Variants in RGSL1 observed in about 807,000 individuals in gnomAD.
RGSL1 encodes regulator of G protein signaling like 1.
RGSL1 carries 97 observed loss-of-function variants against 124.7 expected under a neutral mutation model. The observed-to-expected ratio is 0.78, with a 90% CI of 0.66 to 0.92. The LOEUF is 0.92. Ranked by LOEUF, RGSL1 falls within the 40% of genes least tolerant of loss-of-function variation. The pLI, the probability that RGSL1 is intolerant of heterozygous loss-of-function variation, is 0.00. For missense variants in RGSL1, 1,233 were observed against 1,288.4 expected (o/e 0.96, Z 0.66); for synonymous variants, 424 against 438.1 (o/e 0.97, Z 0.40).
chr1:182,520,948 C>A (rs994621809), intron 9 of RGSL1, among the ~76,000 whole-genome samples: 5 of 152,120 alleles, frequency 3.3e-5, no homozygotes, highest in African/African-American at 1.2e-4. Context: ...AGTAATACAC[C>A]ATCTCTGCCC....
At chr1:182,546,681 G>C (rs999880825) in intron 15 of RGSL1, among the ~76,000 whole-genome samples, 1 of 152,174 alleles carries the variant, frequency 6.6e-6, no homozygotes, top group Non-Finnish European at 1.5e-5. Context: ...GTGAGCCACT[G>C]CACCCAGCCA....
At chr1:182,497,369 T>C (rs1656009116) in intron 9 of RGSL1, among the ~76,000 whole-genome samples, 1 of 149,484 alleles carries the variant, frequency 6.7e-6, no homozygotes, top group South Asian at 2.1e-4. Context: ...AAAATATATA[T>C]ATATCTGTCA....
chr1:182,541,046 G>C lies in RGSL1; in HGVS notation c.2669+625G>C, dbSNP rs1049966762. Among the ~76,000 whole-genome samples, 5 of 152,112 alleles carry C rather than the reference G, an allele frequency of 3.3e-5. No individual in the cohort carries two copies. The South Asian group carries it at 8.3e-4, about 25-fold the overall frequency. On this transcript the variant is annotated intron_variant, in intron 15 of 21. Transcript: ENST00000294854. ...TCATATAATGTGTAAAGATCAATCAGAGTAATCGGGATATCCATCATCTTC... is the reference window on the plus strand; with the variant it reads ...TCATATAATGTGTAAAGATCAATCACAGTAATCGGGATATCCATCATCTTC...
intron 4 of RGSL1, among the ~76,000 whole-genome samples, chr1:182,463,837 A>G (rs1226080379): frequency 1.3e-5 from 2 of 152,200 alleles, no homozygotes; most frequent in African/African-American, 4.8e-5. Flanking sequence ...GGAAATAGAG[A>G]CTTCAACAAT....
At chr1:182,455,415 C>G (rs1421915241) in intron 2 of RGSL1, among the ~76,000 whole-genome samples, 2 of 152,018 alleles carry the variant, frequency 1.3e-5, no homozygotes, top group Non-Finnish European at 2.9e-5. Context: ...AATCCTGTCT[C>G]TACTAAAAAT....
chr1:182,514,447 G>A (rs931920407), intron 9 of RGSL1, among the ~76,000 whole-genome samples: 1 of 152,160 alleles, frequency 6.6e-6, no homozygotes, highest in Non-Finnish European at 1.5e-5. Flanking sequence ...TCTGCTGCTT[G>A]CAGAGTGGAC....
chr1:182,481,801 A>G (rs1236476943), intron 6 of RGSL1, among the ~76,000 whole-genome samples: 1 of 152,134 alleles, frequency 6.6e-6, no homozygotes, highest in East Asian at 1.9e-4. Flanking sequence ...GCAACATGAC[A>G]AAACTCTGTG....
intron 21 of RGSL1, among the ~76,000 whole-genome samples, chr1:182,559,467 G>A (rs1379748769): frequency 6.6e-6 from 1 of 152,038 alleles, no homozygotes; most frequent in Non-Finnish European, 1.5e-5. Context: ...TATCCCACTG[G>A]CACTGCTTTT....
chr1:182,523,026 C>CTT (rs147240587), intron 10 of RGSL1, among the ~76,000 whole-genome samples: 10 of 150,150 alleles, frequency 6.7e-5, no homozygotes, highest in African/African-American at 2.0e-4. Context: ...AAAACATTTT[C>CTT]TTTTTTTTAA....
chr1:182,453,890 T>C (rs890340345), intron 1 of RGSL1, 68 bp from the exon 2 acceptor site: 1 of 845,782 alleles, frequency 1.2e-6, no homozygotes, highest in African/African-American at 1.7e-5. Flanking sequence ...ATTCGATTGC[T>C]TCATTTTCTG....
chr1:182,511,036 A>G (rs972784321), intron 9 of RGSL1, among the ~76,000 whole-genome samples: 1 of 151,676 alleles, frequency 6.6e-6, no homozygotes, highest in Admixed American at 6.6e-5. Flanking sequence ...GCATTTCCCT[A>G]ATGTTTTCAT....
intron 13 of RGSL1, 54 bp from the exon 14 acceptor site, chr1:182,532,608 C>T (rs1659252532): frequency 5.2e-6 from 8 of 1,528,716 alleles, no homozygotes; most frequent in South Asian, 1.2e-5. Flanking sequence ...AGTAGACTCT[C>T]GGTGAACAGC....
chr1:182,487,138 CAG>C (rs1394263444), intron 6 of RGSL1, among the ~76,000 whole-genome samples: 2 of 152,130 alleles, frequency 1.3e-5, no homozygotes, highest in African/African-American at 4.8e-5. Flanking sequence ...TGAATTGTCT[CAG>C]GAATACACTT....
At chr1:182,489,938 A>ATGT (rs1655395776) in intron 8 of RGSL1, among the ~76,000 whole-genome samples, 1 of 152,172 alleles carries the variant, frequency 6.6e-6, no homozygotes, top group Non-Finnish European at 1.5e-5. Flanking sequence ...TTAATTATCT[A>ATGT]TGTTGAGGCA....
chr1:182,459,883 C>T (rs913839222), intron 3 of RGSL1, 121 bp from the exon 4 acceptor site: 1 of 1,223,010 alleles, frequency 8.2e-7, no homozygotes, highest in African/African-American at 1.5e-5. Context: ...TTAATCAACA[C>T]ACCTATCCTT....
At chr1:182,514,937 G>A (rs192768476) in intron 9 of RGSL1, among the ~76,000 whole-genome samples, 8 of 152,338 alleles carry the variant, frequency 5.3e-5, no homozygotes, top group Admixed American at 1.3e-4. Flanking sequence ...TAAGCTGGGG[G>A]TGGTGAAGAG....
rs77749331 is a variant in RGSL1 at position 182,487,717 on chromosome 1, C to T, written c.1432-568C>T. On this transcript the variant is annotated intron_variant, in intron 6 of 21. Transcript: ENST00000294854. ...TGCAGCATGTTGATCTCTATATTCC[C>T]AGCACTTTGTAAAGTGCCTGACACA... Among the ~76,000 whole-genome samples the T allele has an allele frequency of 0.011, 1,603 of 152,282 alleles. 66 individuals are homozygous for T. In the East Asian group the frequency reaches 0.15, roughly 14 times the overall value.
At chr1:182,457,402 T>C (rs562739884) in intron 2 of RGSL1, among the ~76,000 whole-genome samples, 5 of 152,172 alleles carry the variant, frequency 3.3e-5, no homozygotes, top group African/African-American at 1.2e-4. Flanking sequence ...TGTGTTGTGT[T>C]ACACACTGAG....
chr1:182,466,738 A>G (rs1653363026), intron 4 of RGSL1, among the ~76,000 whole-genome samples: 1 of 152,208 alleles, frequency 6.6e-6, no homozygotes, highest in Admixed American at 6.5e-5. Flanking sequence ...TGTTGTTAAC[A>G]TGCCAATACA....
Sources: allele counts gnomAD v4.1 joint callset (sites outside exome capture counted in the v4.1 genomes callset), GRCh38; gene constraint gnomAD v4.1.1; transcripts MANE v1.5; gene names NCBI Gene and HGNC (gene_info 2026-07-23, HGNC 2026-07-21).